The following SLC12A2 variants were observed in gnomAD, a reference collection of about 807,000 sequenced individuals.
SLC12A2 encodes the protein solute carrier family 12 member 2.
Under a neutral mutation model 136.3 loss-of-function variants are expected in SLC12A2, and 67 were observed. The ratio of observed to expected loss-of-function variants is 0.49; its 90% CI spans 0.40 to 0.60. SLC12A2 has a LOEUF of 0.60. SLC12A2 is among the 20% of genes least tolerant of loss of function. SLC12A2 has a pLI of 0.00. For synonymous variants in SLC12A2, 619 were observed against 562.9 expected, an observed-to-expected ratio of 1.10 and a Z score of -1.41; for missense variants, 1,322 against 1,534.7, an observed-to-expected ratio of 0.86 and a Z score of 2.32.
At chr5:128,175,623 G>A (rs1012717668) in intron 20 of SLC12A2, among the ~76,000 whole-genome samples, 2 of 151,640 alleles carry the variant, frequency 1.3e-5, no homozygotes, top group Non-Finnish European at 2.9e-5. Context: ...CATCTACTCC[G>A]TGCACCCAAC....
intron 1 of SLC12A2, among the ~76,000 whole-genome samples, chr5:128,103,050 G>A (rs1035918589): frequency 2.0e-5 from 3 of 152,162 alleles, no homozygotes; most frequent in Admixed American, 6.5e-5. Flanking sequence ...TGATATGAAC[G>A]TTTTTATACG....
chr5:128,094,160 A>G (rs1760437287), intron 1 of SLC12A2, among the ~76,000 whole-genome samples: 1 of 151,162 alleles, frequency 6.6e-6, no homozygotes, highest in Non-Finnish European at 1.5e-5. Flanking sequence ...GCTTGAGTCA[A>G]CTTAAGCTAA....
chr5:128,167,668 G>C (rs1269735144), intron 17 of SLC12A2, 93 bp from the exon 18 acceptor site: 2 of 803,336 alleles, frequency 2.5e-6, no homozygotes, highest in Non-Finnish European at 4.0e-6. Context: ...AGTGTCTATA[G>C]AAGCTGTCAA....
At chr5:128,166,927 T>C (rs753908524) in intron 17 of SLC12A2, among the ~76,000 whole-genome samples, 14 of 152,116 alleles carry the variant, frequency 9.2e-5, no homozygotes, top group Non-Finnish European at 1.6e-4. Context: ...GGGGATACTT[T>C]GGCCCTCTGT....
chr5:128,161,352 A>G (rs1763030142), intron 16 of SLC12A2, among the ~76,000 whole-genome samples: 1 of 152,182 alleles, frequency 6.6e-6, no homozygotes, highest in African/African-American at 2.4e-5. Flanking sequence ...TTTACTCTGT[A>G]TAATCTCTTC....
At position 128,084,257 on chromosome 5, in the gene SLC12A2, G is replaced by GGCA. The variant is rs1554101088; in HGVS notation, c.305_306insAGC (p.Ala107dup). ...CCGCTGCTGCGGCGGCGGCGGCGGC[G>GGCA]GCGGCAGCGGCGGCGGCTGGTGCTG... On this transcript the variant is annotated inframe_insertion, in exon 1 of 27. Coordinates refer to ENST00000262461, the MANE Select transcript of SLC12A2 (RefSeq NM_001046.3). This position sits in a 1 kb window ranked among gnomAD's most constrained non-coding sequence, Gnocchi z 5.6. 6 of 1,213,426 alleles carry GGCA rather than the reference G, an allele frequency of 4.9e-6. No homozygotes were observed. The African/African-American group carries it at 9.6e-5, about 19-fold the overall frequency. The allele number at this position is 1,213,426 out of a possible 1,614,324, so 75.2% of individuals were successfully genotyped here.
chr5:128,084,135 C>T lies in SLC12A2; in HGVS notation c.181C>T (p.Pro61Ser). Residue 61 changes from proline (P) to serine (S), a missense_variant, in exon 1 of 27, where the codon CCC (proline) becomes TCC (serine). Coordinates refer to ENST00000262461, the MANE Select transcript of SLC12A2 (RefSeq NM_001046.3). This position sits in a 1 kb window ranked among gnomAD's most constrained non-coding sequence, Gnocchi z 5.6. ...RDGGGVRDEGPAAAGDGLGRP... is the reference protein window; with the variant it reads ...RDGGGVRDEGSAAAGDGLGRP... The stretch of plus-strand genomic sequence containing the variant: ...CGGCGGCGGGGTCCGCGATGAGGGC[C>T]CCGCGGCGGCCGGGGACGGGCTGGG... 7.7e-7 allele frequency: 1 copy of T among 1,297,302 alleles called. No individual in the cohort carries two copies. The highest frequency in any genetic ancestry group is 9.7e-7 in the Non-Finnish European group (1 of 1,028,786). The allele number at this position is 1,297,302 out of a possible 1,614,324, so 80.4% of individuals were successfully genotyped here.
At chr5:128,147,132 A>G (rs1314808861) in intron 10 of SLC12A2, among the ~76,000 whole-genome samples, 1 of 149,160 alleles carries the variant, frequency 6.7e-6, no homozygotes, top group Non-Finnish European at 1.5e-5. Flanking sequence ...TTTTTAAAAG[A>G]TAAGAAAGGA....
chr5:128,141,890 C>T lies in SLC12A2; in HGVS notation c.1682C>T (p.Thr561Ile). The change falls in exon 10 of 27, where the codon ACA (threonine) becomes ATA (isoleucine). Residue 561 changes from threonine (T) to isoleucine (I), a missense_variant. Transcript: ENST00000262461. ...AATGACACTATCGTAACAGAGCTAA[C>T]AAACTGTACTTCTGCAGCCTGCAAA... Reference protein sequence around the residue: ...NVNDTIVTELTNCTSAACKLN... With the variant: ...NVNDTIVTELINCTSAACKLN... The T allele has an allele frequency of 6.2e-7, 1 of 1,613,972 alleles. No homozygotes were observed. The highest frequency in any genetic ancestry group is 8.5e-7 in the Non-Finnish European group (1 of 1,179,876).
chr5:128,094,939 A>G (rs1760468406), intron 1 of SLC12A2, among the ~76,000 whole-genome samples: 3 of 152,186 alleles, frequency 2.0e-5, no homozygotes, highest in Admixed American at 1.3e-4. Context: ...CAATTGAGAT[A>G]CCAAAGATTT....
Position 128,178,691 on chromosome 5 carries a change from TA to T in SLC12A2, c.3100+4del. ...TCTGGTGGCTTTTTGATGATGGAGGTAAGGTTGTTAATTTTTTTAAAATGAT... is the reference window on the plus strand; with the variant it reads ...TCTGGTGGCTTTTTGATGATGGAGGTAGGTTGTTAATTTTTTTAAAATGAT... On this transcript the variant is annotated splice_donor_region_variant and intron_variant, in intron 22 of 26. Coordinates refer to ENST00000262461, the MANE Select transcript of SLC12A2 (RefSeq NM_001046.3). 1 of 1,540,396 alleles carries T rather than the reference TA, an allele frequency of 6.5e-7. No homozygotes were observed. The highest frequency in any genetic ancestry group is 8.7e-7 in the Non-Finnish European group (1 of 1,148,882).
chr5:128,143,586 A>T (rs72794386), intron 10 of SLC12A2, among the ~76,000 whole-genome samples: 17,317 of 152,088 alleles, frequency 0.11, 1,056 homozygotes, highest in African/African-American at 0.16. Context: ...ATAAGGGGAA[A>T]ATAAATTACT....
At chr5:128,087,372 TA>T (rs1374706361) in intron 1 of SLC12A2, among the ~76,000 whole-genome samples, 1 of 152,168 alleles carries the variant, frequency 6.6e-6, no homozygotes, top group Non-Finnish European at 1.5e-5. Context: ...GTTGGACAAA[TA>T]ACATAGTTAA....
intron 1 of SLC12A2, among the ~76,000 whole-genome samples, chr5:128,105,945 A>G (rs1561659786): frequency 6.6e-6 from 1 of 152,144 alleles, no homozygotes; most frequent in Admixed American, 6.5e-5. Context: ...ATTGTCCCAT[A>G]GCTCCTCAGA....
Position 128,157,824 on chromosome 5 carries a change from A to G in SLC12A2, c.2364-229A>G, listed in dbSNP as rs181099817. ...ACCTACCAGAATCTTGATGTATAATAGTACCTATTATTTTAGAGGGACATT... is the reference window on the plus strand; with the variant it reads ...ACCTACCAGAATCTTGATGTATAATGGTACCTATTATTTTAGAGGGACATT... On this transcript the variant is annotated intron_variant, in intron 15 of 26. Coordinates refer to ENST00000262461, the MANE Select transcript of SLC12A2 (RefSeq NM_001046.3). Among the ~76,000 whole-genome samples, 46 of 152,304 alleles carry G rather than the reference A, an allele frequency of 3.0e-4. No individual in the cohort carries two copies. The East Asian group carries it at 8.9e-3, about 29-fold the overall frequency.
intron 4 of SLC12A2, among the ~76,000 whole-genome samples, chr5:128,130,572 C>T (rs1761981726): frequency 6.7e-6 from 1 of 149,840 alleles, no homozygotes; most frequent in South Asian, 2.1e-4. Flanking sequence ...GTCTCAGCTG[C>T]TCAGGAGGCT....
chr5:128,132,717 G>C (rs1014242151), intron 5 of SLC12A2, among the ~76,000 whole-genome samples: 1 of 152,120 alleles, frequency 6.6e-6, no homozygotes, highest in Non-Finnish European at 1.5e-5. Flanking sequence ...CACCTGCGTT[G>C]ACATTGACCT....
chr5:128,157,135 CGTT>C (rs1762892619), intron 15 of SLC12A2, among the ~76,000 whole-genome samples: 1 of 152,130 alleles, frequency 6.6e-6, no homozygotes, highest in African/African-American at 2.4e-5. Flanking sequence ...CTCCTGTAAA[CGTT>C]AACGTTTAAG....
In SLC12A2 at chr5:128,152,738, AC is replaced by A. The variant is rs1762743723; in HGVS notation, c.2297del (p.Thr766IlefsTer3). ...TTGGGGATCCTCTACACAAGCCCTGACTTACCTGAATGCACTGCAGCATTCA... is the reference window on the plus strand; with the variant it reads ...TTGGGGATCCTCTACACAAGCCCTGATTACCTGAATGCACTGCAGCATTCA... ...VNWGSSTQALTYLNALQHSIR... is the reference protein window; with the variant it reads ...VNWGSSTQALXYLNALQHSIR... On this transcript the variant is annotated frameshift_variant, in exon 15 of 27. Coordinates refer to ENST00000262461, the MANE Select transcript of SLC12A2 (RefSeq NM_001046.3). LOFTEE classifies it high-confidence loss of function. 1 of 1,613,556 alleles carries A rather than the reference AC, an allele frequency of 6.2e-7. No homozygotes were observed. The highest frequency in any genetic ancestry group is 8.5e-7 in the Non-Finnish European group (1 of 1,179,642).
Sources: allele counts gnomAD v4.1 joint callset (sites outside exome capture counted in the v4.1 genomes callset), GRCh38; gene constraint gnomAD v4.1.1; non-coding constraint Gnocchi (gnomAD v3.1); transcripts MANE v1.5; gene names NCBI Gene and HGNC (gene_info 2026-07-23, HGNC 2026-07-21).